ZNF41: variants seen among roughly 807,000 people sequenced by gnomAD.
The protein encoded by ZNF41 is zinc finger protein 41.
In ZNF41, 6 loss-of-function variants were observed where a neutral mutation model predicts 9.3. That is an observed-to-expected ratio of 0.65 (90% CI 0.35 to 1.28). The LOEUF is 1.28. Ranked by LOEUF, ZNF41 falls within the 50% of genes most tolerant of loss-of-function variation. ZNF41 has a pLI of 0.03. For missense variants in ZNF41, 523 were observed against 585.8 expected, an observed-to-expected ratio of 0.89 and a Z score of 1.11; for synonymous variants, 192 against 207.1, an observed-to-expected ratio of 0.93 and a Z score of 0.63.
chrX:47,457,410 T>TA (rs763721884), intron 2 of ZNF41, among the ~76,000 whole-genome samples: 54 of 96,490 alleles, frequency 5.6e-4, no homozygotes, highest in South Asian at 4.1e-3. Flanking sequence ...AGACTCCGTC[T>TA]AAAAAAAAAA....
intron 2 of ZNF41, among the ~76,000 whole-genome samples, chrX:47,466,568 G>A (rs1334145416): frequency 1.8e-5 from 2 of 109,859 alleles, no homozygotes; most frequent in African/African-American, 6.6e-5. Context: ...AGGCTGGAAT[G>A]CAGTGGCATG....
intron 2 of ZNF41, among the ~76,000 whole-genome samples, chrX:47,462,479 A>T (rs2056834501): frequency 9.1e-6 from 1 of 110,215 alleles, no homozygotes. Context: ...GATCGCTCTA[A>T]CTATTCATGC....
chrX:47,482,082 C>G (rs756436900), intron 1 of ZNF41, among the ~76,000 whole-genome samples: 112 of 109,399 alleles, frequency 1.0e-3, no homozygotes, highest in Non-Finnish European at 1.7e-3. Context: ...AGTAGTCACC[C>G]CGCACAGCCC....
intron 4 of ZNF41, among the ~76,000 whole-genome samples, chrX:47,451,840 C>T (rs1485518241): frequency 3.6e-5 from 4 of 112,256 alleles, no homozygotes; most frequent in Non-Finnish European, 5.6e-5. Context: ...TGCACCACTG[C>T]ACTCCAGCCT....
intron 4 of ZNF41, among the ~76,000 whole-genome samples, chrX:47,453,869 C>T (rs770466415): frequency 2.8e-4 from 31 of 111,234 alleles, no homozygotes; most frequent in Admixed American, 1.9e-3. Context: ...GTCAGGAGAT[C>T]GAGACCAGCC....
Position 47,448,221 on chromosome X carries a change from G to T in ZNF41, c.1549C>A (p.His517Asn). ...RTNLTTHQKT[H>N]TGEKPYMCAE... ...CACATATAGGGTTTTTCCCCAGTAT[G>T]AGTTTTCTGATGTGTGGTGAGGTTT... Residue 517 changes from histidine to asparagine, a missense_variant, in exon 5 of 5, where the codon CAT (histidine) becomes AAT (asparagine). Physicochemically the swap from His to Asn is moderately conservative, Grantham distance 68. Transcript: ENST00000684689. 2.5e-6 allele frequency: 3 copies of T among 1,211,588 alleles called. No individual in the cohort carries two copies. Among genetic ancestry groups the T allele is most frequent in the Non-Finnish European group, 3.4e-6 (3 of 895,449 alleles).
chrX:47,467,363 C>T, intron 2 of ZNF41, 47 bp downstream of exon 2: 1 of 1,169,843 alleles, frequency 8.5e-7, no homozygotes, highest in Non-Finnish European at 1.1e-6. Flanking sequence ...GTCAGGGTAT[C>T]TCTTCACTGA....
intron 1 of ZNF41, among the ~76,000 whole-genome samples, chrX:47,476,222 G>A (rs143740137): frequency 0.015 from 1,677 of 109,918 alleles, 28 homozygotes; most frequent in African/African-American, 0.052. Flanking sequence ...GTGTGGTGAT[G>A]CGCACCTGTA....
At chrX:47,460,408 TAA>T (rs1351572111) in intron 2 of ZNF41, among the ~76,000 whole-genome samples, 1 of 112,586 alleles carries the variant, frequency 8.9e-6, no homozygotes, top group African/African-American at 3.2e-5. Context: ...TGAAAATTGA[TAA>T]GTCTTTCTAC....
intron 1 of ZNF41, among the ~76,000 whole-genome samples, chrX:47,476,211 G>A (rs186689566): frequency 4.5e-5 from 5 of 110,790 alleles, no homozygotes; most frequent in African/African-American, 1.6e-4. Context: ...AAATGAGCTG[G>A]GTGTGGTGAT....
chrX:47,464,017 C>G (rs1302836601), intron 2 of ZNF41, among the ~76,000 whole-genome samples: 1 of 110,160 alleles, frequency 9.1e-6, no homozygotes, highest in African/African-American at 3.4e-5. Context: ...AGGCTCATAC[C>G]CAGTTCCTTG....
chrX:47,455,194 G>A (rs1040747970), intron 4 of ZNF41, among the ~76,000 whole-genome samples: 2 of 108,423 alleles, frequency 1.8e-5, no homozygotes, highest in South Asian at 8.0e-4. Flanking sequence ...GCAGTGAAAC[G>A]AGATCGTGCC....
chrX:47,460,208 T>C (rs2056736162), intron 2 of ZNF41, among the ~76,000 whole-genome samples: 1 of 112,049 alleles, frequency 8.9e-6, no homozygotes, highest in Non-Finnish European at 1.9e-5. Flanking sequence ...GAGGCTGCAG[T>C]GAACCATGTT....
In ZNF41 at chrX:47,447,944, C is replaced by A. The variant is rs1294858220; in HGVS notation, c.1826G>T (p.Cys609Phe). 2.5e-6 allele frequency: 3 copies of A among 1,210,070 alleles called. No individual in the cohort carries two copies. In the African/African-American group the frequency reaches 5.2e-5, roughly 21 times the overall value. Residue 609 changes from cysteine to phenylalanine, a missense_variant, in exon 5 of 5, where the codon TGT (cysteine) becomes TTT (phenylalanine). Cys to Phe is a radical substitution (Grantham distance 205). Coordinates refer to ENST00000684689, the MANE Select transcript of ZNF41 (RefSeq NM_001324144.2). ...GATAAAGGCCTTCCCGCATTCAGGA[C>A]AAACGTACGGTTTCTCTCCTGTATG... ...RIHTGEKPYV[C>F]PECGKAFIQK... is the part of the protein sequence containing the mutation.
At chrX:47,479,536 T>C (rs1363150145) in intron 1 of ZNF41, among the ~76,000 whole-genome samples, 2 of 111,421 alleles carry the variant, frequency 1.8e-5, no homozygotes, top group East Asian at 2.8e-4. Context: ...ATACGATAGC[T>C]AGGAAAAGTA....
At chrX:47,461,719 C>T (rs12395954) in intron 2 of ZNF41, among the ~76,000 whole-genome samples, 16 of 106,269 alleles carry the variant, frequency 1.5e-4, no homozygotes, top group Middle Eastern at 0.01. Flanking sequence ...TCTTTTTTTA[C>T]TTTTTTGAGA....
intron 2 of ZNF41, among the ~76,000 whole-genome samples, chrX:47,465,711 G>A (rs573760248): frequency 1.8e-5 from 2 of 111,010 alleles, no homozygotes; most frequent in South Asian, 7.5e-4. Flanking sequence ...GGAGGCTCAG[G>A]TGGGAGGATC....
chrX:47,469,306 G>A (rs756581182), intron 1 of ZNF41, among the ~76,000 whole-genome samples: 1,269 of 39,280 alleles, frequency 0.032, 34 homozygotes, highest in Middle Eastern at 0.12. Context: ...GCGAGACTCC[G>A]TCTCAAAAAA....
Position 47,448,708 on chromosome X carries a change from G to C in ZNF41, c.1062C>G (p.Pro354=). 1 of 1,211,698 alleles carries C rather than the reference G, an allele frequency of 8.3e-7. No individual in the cohort carries two copies. The highest frequency in any genetic ancestry group is 1.1e-6 in the Non-Finnish European group (1 of 895,543). ...THQKIHTGQK[P]YKCSECGKAF... The stretch of plus-strand genomic sequence containing the variant: ...CTTTTCCACATTCACTGCATTTGTA[G>C]GGTTTCTGCCCGGTATGAATTTTTT... The change falls in exon 5 of 5, where the codon CCC becomes CCG. Residue 354 remains proline (P), a synonymous_variant. Transcript: ENST00000684689.
Sources: allele counts gnomAD v4.1 joint callset (sites outside exome capture counted in the v4.1 genomes callset), GRCh38; gene constraint gnomAD v4.1.1; transcripts MANE v1.5; gene names NCBI Gene and HGNC (gene_info 2026-07-23, HGNC 2026-07-21).